Variants in GALNT13 observed in about 807,000 individuals in gnomAD.
The protein encoded by GALNT13 is polypeptide N-acetylgalactosaminyltransferase 13.
GALNT13 carries 28 observed loss-of-function variants against 64.2 expected under a neutral mutation model. The ratio of observed to expected loss-of-function variants is 0.44; its 90% confidence interval spans 0.32 to 0.60. The LOEUF (loss-of-function observed/expected upper bound fraction) is 0.60. Ranked by LOEUF, GALNT13 falls within the 20% of genes least tolerant of loss-of-function variation. The pLI is 0.05. For synonymous variants in GALNT13, 214 were observed against 224.6 expected (o/e 0.95, Z 0.42); for missense variants, 577 against 669.8 (o/e 0.86, Z 1.53).
chr2:153,306,020 C>T, the GALNT13 span, among the ~76,000 whole-genome samples: 2 of 152,170 alleles, frequency 1.3e-5, no homozygotes, highest in Non-Finnish European at 2.9e-5. Context: ...AGCACCCAGT[C>T]GAGCATGTGG....
At chr2:153,123,111 T>C in the GALNT13 span, among the ~76,000 whole-genome samples, 1 of 151,750 alleles carries the variant, frequency 6.6e-6, no homozygotes, top group East Asian at 1.9e-4. Context: ...ATGAATGCCA[T>C]ATGAAGATAC....
chr2:153,345,691 CTTTCTTTCTT>C, the GALNT13 span, among the ~76,000 whole-genome samples: 36 of 128,074 alleles, frequency 2.8e-4, no homozygotes, highest in East Asian at 1.1e-3. Flanking sequence ...TTCTTTCTTT[CTTTCTTTCTT>C]TCTCTTTCTC....
At chr2:153,806,082 G>A in the GALNT13 span, among the ~76,000 whole-genome samples, 3 of 152,008 alleles carry the variant, frequency 2.0e-5, no homozygotes, top group Non-Finnish European at 4.4e-5. Flanking sequence ...CTGACATCCA[G>A]GTAGTCTTAA....
At chr2:153,277,268 A>C in the GALNT13 span, among the ~76,000 whole-genome samples, 2 of 152,138 alleles carry the variant, frequency 1.3e-5, no homozygotes, top group African/African-American at 4.8e-5. Context: ...ATGAGTACCC[A>C]ATATCCAGTT....
the GALNT13 span, among the ~76,000 whole-genome samples, chr2:153,626,933 A>G: frequency 6.6e-6 from 1 of 152,162 alleles, no homozygotes; most frequent in African/African-American, 2.4e-5. Flanking sequence ...AACATATGTA[A>G]TAATATTTCA....
chr2:154,256,534 G>A (rs1410208207), intron 7 of GALNT13, among the ~76,000 whole-genome samples: 2 of 152,158 alleles, frequency 1.3e-5, no homozygotes, highest in African/African-American at 2.4e-5. Flanking sequence ...TGGATATGAG[G>A]TAGTTCTAAA....
the GALNT13 span, among the ~76,000 whole-genome samples, chr2:153,616,245 G>A: frequency 2.6e-4 from 40 of 151,678 alleles, no homozygotes; most frequent in African/African-American, 8.9e-4. Flanking sequence ...TACTGTAGGG[G>A]TGTGAATTTG....
At chr2:153,118,145 A>ACACACACACC in the GALNT13 span, among the ~76,000 whole-genome samples, 21 of 147,468 alleles carry the variant, frequency 1.4e-4, 1 homozygote, top group African/African-American at 4.2e-4. Flanking sequence ...ACACACACAC[A>ACACACACACC]CCCCACATAA....
the GALNT13 span, among the ~76,000 whole-genome samples, chr2:153,249,749 CA>C: frequency 2.6e-5 from 4 of 152,192 alleles, no homozygotes; most frequent in East Asian, 7.7e-4. Flanking sequence ...AGATCTTCAA[CA>C]AAAATGACAA....
At chr2:153,496,321 C>T in the GALNT13 span, among the ~76,000 whole-genome samples, 1 of 152,162 alleles carries the variant, frequency 6.6e-6, no homozygotes, top group Admixed American at 6.5e-5. Context: ...AAATACTTAA[C>T]TCTTAGGAAA....
chr2:153,731,910 G>A, the GALNT13 span, among the ~76,000 whole-genome samples: 1 of 151,818 alleles, frequency 6.6e-6, no homozygotes, highest in African/African-American at 2.4e-5. Context: ...TAAAGTAACG[G>A]GTTCTACTGT....
At chr2:153,222,596 C>A in the GALNT13 span, among the ~76,000 whole-genome samples, 1 of 152,180 alleles carries the variant, frequency 6.6e-6, no homozygotes, top group Admixed American at 6.5e-5. Flanking sequence ...GTCCACTGCG[C>A]CCAGGCTGTT....
At chr2:154,180,720 C>A (rs1233571869) in intron 4 of GALNT13, among the ~76,000 whole-genome samples, 1 of 151,930 alleles carries the variant, frequency 6.6e-6, no homozygotes, top group African/African-American at 2.4e-5. Context: ...TCTAAATTAA[C>A]CTGTGTGATA....
chr2:154,340,370 G>T (rs1247031269), intron 9 of GALNT13, among the ~76,000 whole-genome samples: 1 of 152,044 alleles, frequency 6.6e-6, no homozygotes, highest in East Asian at 1.9e-4. Context: ...AACTACAGGT[G>T]CATGCCACTG....
intron 9 of GALNT13, among the ~76,000 whole-genome samples, chr2:154,366,654 G>A (rs551226833): frequency 1.7e-4 from 26 of 152,178 alleles, no homozygotes; most frequent in Non-Finnish European, 3.7e-4. Context: ...AGAATTCTCA[G>A]ATGAGAACTA....
chr2:153,423,880 A>G, the GALNT13 span, among the ~76,000 whole-genome samples: 1 of 151,624 alleles, frequency 6.6e-6, no homozygotes, highest in Non-Finnish European at 1.5e-5. Context: ...CCAAGATTTT[A>G]TCATTTTTAT....
chr2:153,734,374 T>C, the GALNT13 span, among the ~76,000 whole-genome samples: 1 of 152,162 alleles, frequency 6.6e-6, no homozygotes, highest in Non-Finnish European at 1.5e-5. Flanking sequence ...ATTGTAATTG[T>C]TTTGACTTAT....
chr2:153,533,420 T>G, the GALNT13 span, among the ~76,000 whole-genome samples: 11 of 151,906 alleles, frequency 7.2e-5, no homozygotes, highest in Admixed American at 5.9e-4. Context: ...TCCAGCTAAT[T>G]TTTGTATTTT....
chr2:154,063,823 A>G (rs1700318768), intron 3 of GALNT13, among the ~76,000 whole-genome samples: 1 of 152,176 alleles, frequency 6.6e-6, no homozygotes, highest in Non-Finnish European at 1.5e-5. Context: ...ACAGAGCAAC[A>G]TGGCTGCACA....
Sources: allele counts gnomAD v4.1 joint callset (sites outside exome capture counted in the v4.1 genomes callset), GRCh38; gene constraint gnomAD v4.1.1; transcripts MANE v1.5; gene names NCBI Gene and HGNC (gene_info 2026-07-23, HGNC 2026-07-21).